Variants in PSMB7 observed in about 807,000 individuals in gnomAD.
The protein encoded by PSMB7 is proteasome 20S subunit beta 7, also known as proteasome subunit beta type-7.
A neutral mutation model predicts 28.1 loss-of-function variants in PSMB7; 5 were observed. The ratio of observed to expected loss-of-function variants is 0.18; its 90% CI spans 0.09 to 0.37. The LOEUF (loss-of-function observed/expected upper bound fraction) is 0.37. Among genes scored for constraint, PSMB7 ranks in the 10% least tolerant of loss-of-function variants. The pLI, the probability that PSMB7 is intolerant of heterozygous loss-of-function variation, is 1.00. For missense variants in PSMB7, 275 were observed against 346.2 expected (o/e 0.79, Z 1.63); for synonymous variants, 122 against 123.7 (o/e 0.99, Z 0.09).
At chr9:124,409,835 C>A (rs1174980686) in intron 4 of PSMB7, among the ~76,000 whole-genome samples, 2 of 152,158 alleles carry the variant, frequency 1.3e-5, no homozygotes, top group African/African-American at 2.4e-5. Flanking sequence ...ATCCTAAACT[C>A]TTTCCTTATA....
intron 6 of PSMB7, among the ~76,000 whole-genome samples, chr9:124,374,441 C>G (rs1830589720): frequency 6.6e-6 from 1 of 152,238 alleles, no homozygotes; most frequent in African/African-American, 2.4e-5. Flanking sequence ...AGGTATCCCA[C>G]ACTTTTAGAA....
At chr9:124,383,071 G>A (rs1206203841) in intron 6 of PSMB7, among the ~76,000 whole-genome samples, 6 of 152,186 alleles carry the variant, frequency 3.9e-5, no homozygotes, top group African/African-American at 9.7e-5. Flanking sequence ...TAATGGATGC[G>A]TAGAACCTTA....
chr9:124,364,167 G>A (rs902306426), intron 6 of PSMB7, among the ~76,000 whole-genome samples: 4 of 152,192 alleles, frequency 2.6e-5, no homozygotes, highest in Middle Eastern at 3.4e-3. Flanking sequence ...GTTATTTATT[G>A]AATTCCCAAC....
intron 6 of PSMB7, among the ~76,000 whole-genome samples, chr9:124,376,562 T>A (rs1830610871): frequency 6.6e-6 from 1 of 152,228 alleles, no homozygotes; most frequent in African/African-American, 2.4e-5. Context: ...CTTGCTTGGC[T>A]TTCTGCCGTC....
At chr9:124,363,408 G>A (rs1180224117) in intron 6 of PSMB7, among the ~76,000 whole-genome samples, 1 of 152,246 alleles carries the variant, frequency 6.6e-6, no homozygotes, top group Non-Finnish European at 1.5e-5. Flanking sequence ...AACGGTCTCC[G>A]CGAAAGCAGC....
chr9:124,396,535 A>G (rs1357367305), intron 5 of PSMB7, among the ~76,000 whole-genome samples: 17 of 152,168 alleles, frequency 1.1e-4, no homozygotes, highest in Admixed American at 1.0e-3. Context: ...AGTAATTAGG[A>G]AACTGTATAA....
In PSMB7 at chr9:124,386,180, A is replaced by T. The variant is rs151007772; in HGVS notation, c.512-1524T>A. ...AAAAAAAACTAAAATGGTGATCTAA[A>T]GGGACATTAAAAGCCCTCTGAAAAG... On this transcript the variant is annotated intron_variant, in intron 5 of 7. Transcript: ENST00000259457. 7.9e-5 allele frequency among the ~76,000 whole-genome samples: 12 copies of T among 152,270 alleles called. No individual in the cohort carries two copies. The East Asian group carries it at 2.1e-3, about 27-fold the overall frequency.
intron 4 of PSMB7, among the ~76,000 whole-genome samples, chr9:124,405,768 A>G (rs10986332): frequency 0.41 from 62,928 of 151,856 alleles, 13,295 homozygotes; most frequent in African/African-American, 0.45. Context: ...TGCAGCCTCA[A>G]CCTCCCCAGG....
At chr9:124,384,097 C>G (rs1044225242) in intron 6 of PSMB7, 2 of 152,936 alleles carry the variant, frequency 1.3e-5, no homozygotes, top group Admixed American at 6.5e-5. Flanking sequence ...GACACTAGAT[C>G]ATTACGCTCT....
chr9:124,409,072 G>A (rs953960637), intron 4 of PSMB7, among the ~76,000 whole-genome samples: 4 of 152,112 alleles, frequency 2.6e-5, no homozygotes, highest in African/African-American at 9.7e-5. Flanking sequence ...CTAACTGCTC[G>A]TGGGTGGCAG....
intron 4 of PSMB7, among the ~76,000 whole-genome samples, chr9:124,410,237 G>A (rs1831015571): frequency 1.3e-5 from 2 of 152,022 alleles, no homozygotes; most frequent in South Asian, 4.1e-4. Flanking sequence ...CTTGTGATCT[G>A]CCTGCCTCGG....
chr9:124,388,289 G>A (rs959324941), intron 5 of PSMB7, among the ~76,000 whole-genome samples: 4 of 152,206 alleles, frequency 2.6e-5, no homozygotes, highest in African/African-American at 9.6e-5. Context: ...GGCCAGGACT[G>A]GGCCTCTGCT....
intron 3 of PSMB7, among the ~76,000 whole-genome samples, chr9:124,413,491 T>G (rs1831052906): frequency 6.6e-6 from 1 of 152,138 alleles, no homozygotes; most frequent in Non-Finnish European, 1.5e-5. Flanking sequence ...ATCAGATCTA[T>G]GTTTTACAAA....
intron 6 of PSMB7, among the ~76,000 whole-genome samples, chr9:124,364,172 C>A (rs934778697): frequency 7.9e-5 from 12 of 152,126 alleles, no homozygotes; most frequent in African/African-American, 2.9e-4. Flanking sequence ...TTATTGAATT[C>A]CCAACTGCTG....
At position 124,404,237 on chromosome 9, in the gene PSMB7, C is replaced by T. The variant is rs77341590; in HGVS notation, c.511+1080G>A. The stretch of plus-strand genomic sequence containing the variant: ...CATCTGCCTCCACCCCAGCCCCTGC[C>T]CACAACTCCCAAGTCCCCTTATCAT... On this transcript the variant is annotated intron_variant, in intron 5 of 7. Coordinates refer to ENST00000259457, the MANE Select transcript of PSMB7 (RefSeq NM_002799.4). 4.4e-3 allele frequency among the ~76,000 whole-genome samples: 663 copies of T among 151,802 alleles called. 3 individuals carry two copies. Among genetic ancestry groups the T allele is most frequent in the Non-Finnish European group, 6.6e-3 (449 of 67,956 alleles).
chr9:124,375,806 C>G (rs995741228), intron 6 of PSMB7, among the ~76,000 whole-genome samples: 1 of 152,180 alleles, frequency 6.6e-6, no homozygotes, highest in Non-Finnish European at 1.5e-5. Flanking sequence ...CGGCTAAACA[C>G]GGATAGTCTT....
At chr9:124,397,934 G>A (rs1830858300) in intron 5 of PSMB7, among the ~76,000 whole-genome samples, 2 of 152,184 alleles carry the variant, frequency 1.3e-5, no homozygotes, top group Admixed American at 6.5e-5. Context: ...TTGGGAGGCC[G>A]AGGCGGGTGG....
At chr9:124,385,888 G>C (rs371190811) in intron 5 of PSMB7, among the ~76,000 whole-genome samples, 2 of 152,088 alleles carry the variant, frequency 1.3e-5, no homozygotes, top group Non-Finnish European at 2.9e-5. Context: ...TCCAATTATA[G>C]ATCAAATTTA....
At chr9:124,397,469 G>A (rs1285375087) in intron 5 of PSMB7, among the ~76,000 whole-genome samples, 3 of 152,284 alleles carry the variant, frequency 2.0e-5, no homozygotes, top group African/African-American at 7.2e-5. Context: ...TTAAAGATGC[G>A]CAAGACAAGA....
Sources: allele counts gnomAD v4.1 joint callset (sites outside exome capture counted in the v4.1 genomes callset), GRCh38; gene constraint gnomAD v4.1.1; transcripts MANE v1.5; gene names NCBI Gene and HGNC (gene_info 2026-07-23, HGNC 2026-07-21).